The following UBR4 variants were observed in gnomAD, a reference collection of about 807,000 sequenced individuals.
The protein encoded by UBR4 is E3 ubiquitin-protein ligase UBR4.
A neutral mutation model predicts 575.6 loss-of-function variants in UBR4; 124 were observed. That is an observed-to-expected ratio of 0.22 (90% confidence interval 0.19 to 0.25). The LOEUF (loss-of-function observed/expected upper bound fraction) is 0.25, where lower values mean the gene tolerates loss of function less well. Ranked by LOEUF, UBR4 falls within the 10% of genes least tolerant of loss-of-function variation. The pLI, the probability that UBR4 is intolerant of heterozygous loss-of-function variation, is 1.00. For synonymous variants in UBR4, 2,455 were observed against 2,473.7 expected, an observed-to-expected ratio of 0.99 and a Z score of 0.22; for missense variants, 4,818 against 6,478.8, an observed-to-expected ratio of 0.74 and a Z score of 8.80.
At position 19,107,795 on chromosome 1, in the gene UBR4, T is replaced by A. The variant is rs561356658; in HGVS notation, c.12106-829A>T. ...ATGGGACCCTGTCTCAAAAAAAAAA[T>A]AAAAAATAAAACACTGAGAAATTCT... is the stretch of plus-strand genomic sequence containing the variant. On this transcript the variant is annotated intron_variant, in intron 81 of 105. Transcript: ENST00000375254. 1.1e-4 allele frequency among the ~76,000 whole-genome samples: 16 copies of A among 151,766 alleles called. No individual in the cohort carries two copies. In the East Asian group the frequency reaches 1.4e-3, roughly 13 times the overall value.
chr1:19,152,491 A>G lies in UBR4; in HGVS notation c.6833-15T>C. 6.2e-7 allele frequency: 1 copy of G among 1,613,368 alleles called. No homozygotes were observed. Among genetic ancestry groups the G allele is most frequent in the Non-Finnish European group, 8.5e-7 (1 of 1,179,766 alleles). Reference sequence around the variant, plus strand: ...CGTGCGGGTTGCTGCAGAGAACGGTACCAGATCGTCAAGAGTCTCTCCCAC... The same window carrying G: ...CGTGCGGGTTGCTGCAGAGAACGGTGCCAGATCGTCAAGAGTCTCTCCCAC... On this transcript the variant is annotated splice_polypyrimidine_tract_variant and intron_variant, in intron 46 of 105. Coordinates refer to ENST00000375254, the MANE Select transcript of UBR4 (RefSeq NM_020765.3). This position sits in a 1 kb window ranked among gnomAD's most constrained non-coding sequence, Gnocchi z 4.4.
rs369019477 is a variant in UBR4 at position 19,095,688 on chromosome 1, C to T, written c.13519-36G>A. On this transcript the variant is annotated intron_variant, in intron 92 of 105. Transcript: ENST00000375254. The stretch of plus-strand genomic sequence containing the variant: ...AAGCCAGTCAAAACCCATGAGGCCA[C>T]ATGAGAGTGTAGGACATGGGGGCCA... 80 of 1,599,190 alleles carry T rather than the reference C, an allele frequency of 5.0e-5. No individual in the cohort carries two copies. The African/African-American group carries it at 9.6e-4, about 19-fold the overall frequency.
chr1:19,204,663 A>G (rs1283262966), intron 1 of UBR4, among the ~76,000 whole-genome samples: 6 of 152,194 alleles, frequency 3.9e-5, no homozygotes, highest in Non-Finnish European at 1.5e-5. Flanking sequence ...AAACAGGAAG[A>G]ATGCATTTTG....
At chr1:19,207,995 C>A (rs181015262) in intron 1 of UBR4, among the ~76,000 whole-genome samples, 3 of 152,300 alleles carry the variant, frequency 2.0e-5, no homozygotes, top group Admixed American at 6.5e-5. Flanking sequence ...CGTTTGCCAA[C>A]GCCTGCTTTA....
intron 25 of UBR4, 78 bp downstream of exon 25, chr1:19,172,786 T>C (rs559247356): frequency 3.7e-5 from 53 of 1,436,896 alleles, no homozygotes; most frequent in Middle Eastern, 2.1e-4. Flanking sequence ...AAGAGAAAAA[T>C]GTCAAATTCT....
chr1:19,074,667 A>C lies in UBR4; in HGVS notation c.*165T>G, dbSNP rs1167913680. The stretch of plus-strand genomic sequence containing the variant: ...GCTGGTGCACCACACACACGAGATA[A>C]AACAGGAAGCCTAAAAACCCCAAGC... On this transcript the variant is annotated 3_prime_UTR_variant, in exon 106 of 106. Coordinates refer to ENST00000375254, the MANE Select transcript of UBR4 (RefSeq NM_020765.3). 1.3e-6 allele frequency: 1 copy of C among 755,186 alleles called. No homozygotes were observed. The highest frequency in any genetic ancestry group is 1.7e-5 in the African/African-American group (1 of 57,372). 46.8% of individuals were successfully genotyped at this position (755,186 alleles called of 1,614,324 possible).
intron 99 of UBR4, among the ~76,000 whole-genome samples, chr1:19,087,579 G>A (rs544662936): frequency 6.6e-6 from 1 of 152,318 alleles, no homozygotes; most frequent in Non-Finnish European, 1.5e-5. Flanking sequence ...CTCACATATA[G>A]GAAGAATCCA....
At chr1:19,171,742 G>A (rs528905728) in intron 25 of UBR4, among the ~76,000 whole-genome samples, 13 of 152,220 alleles carry the variant, frequency 8.5e-5, no homozygotes, top group East Asian at 1.9e-4. Context: ...CCTGCCACTC[G>A]GGAAACTGAG....
At position 19,197,710 on chromosome 1, in the gene UBR4, T is replaced by C; in HGVS notation, c.853A>G (p.Met285Val). 1.2e-6 allele frequency: 2 copies of C among 1,614,184 alleles called. No individual in the cohort carries two copies. Among genetic ancestry groups the C allele is most frequent in the South Asian group, 1.1e-5 (1 of 91,084 alleles). Residue 285 changes from methionine (M) to valine (V), a missense_variant, in exon 7 of 106, where the codon ATG becomes GTG. This residue lies in a region of UBR4 where 131 missense variants were observed against 214.5 expected (regional missense o/e 0.61). Coordinates refer to ENST00000375254, the MANE Select transcript of UBR4 (RefSeq NM_020765.3). Reference protein sequence around the residue: ...DAVLANSFFIMPATVADATAV... With the variant: ...DAVLANSFFIVPATVADATAV... ...GTGGCATCTGCTACTGTTGCAGGCA[T>C]TATGAAGAAGGAATTAGCTAAAACT...
At chr1:19,092,791 C>A (rs376899931) in intron 97 of UBR4, 28 bp downstream of exon 97, 263 of 1,582,018 alleles carry the variant, frequency 1.7e-4, no homozygotes, top group Non-Finnish European at 2.1e-4. Flanking sequence ...ACCCCTGTAC[C>A]CTCACACTAC....
intron 1 of UBR4, among the ~76,000 whole-genome samples, chr1:19,203,682 C>A (rs899749105): frequency 1.3e-5 from 2 of 152,062 alleles, no homozygotes; most frequent in African/African-American, 4.8e-5. Flanking sequence ...TCTGGCATTG[C>A]GAGCACTTTG....
intron 55 of UBR4, among the ~76,000 whole-genome samples, chr1:19,143,270 GAAAGAAA>G (rs1557763061): frequency 3.1e-5 from 2 of 65,190 alleles, no homozygotes; most frequent in Non-Finnish European, 6.8e-5. Flanking sequence ...AAGAAAGAAA[GAAAGAAA>G]GAAAGAAAGA....
chr1:19,199,606 A>C, intron 3 of UBR4, 45 bp downstream of exon 3: 1 of 1,578,760 alleles, frequency 6.3e-7, no homozygotes, highest in African/African-American at 1.4e-5. Context: ...AGTCAGTCAC[A>C]ACACTGCTTC....
Position 19,100,333 on chromosome 1 carries a change from C to T in UBR4, c.13221+43G>A, listed in dbSNP as rs1209234942. 3.1e-6 allele frequency: 5 copies of T among 1,607,876 alleles called. No homozygotes were observed. Among genetic ancestry groups the T allele is most frequent in the South Asian group, 1.1e-5 (1 of 90,790 alleles). ...TGGATTTGGTTAGCCTAGGAGGAAG[C>T]CCCTAATCGTAAACGTGGGCAGCAC... is the stretch of plus-strand genomic sequence containing the variant. On this transcript the variant is annotated intron_variant, in intron 89 of 105. Coordinates refer to ENST00000375254, the MANE Select transcript of UBR4 (RefSeq NM_020765.3). The surrounding 1 kb of genome is among the most constrained non-coding windows in gnomAD (Gnocchi z 4.2).
chr1:19,198,508 C>A (rs758452564), intron 5 of UBR4, 33 bp downstream of exon 5: 8 of 1,597,356 alleles, frequency 5.0e-6, no homozygotes, highest in Non-Finnish European at 6.8e-6. Flanking sequence ...ACAAAACCCA[C>A]AGAGAAGAAG....
intron 51 of UBR4, 56 bp from the exon 52 acceptor site, chr1:19,147,056 G>A: frequency 1.3e-6 from 2 of 1,499,810 alleles, no homozygotes; most frequent in Non-Finnish European, 1.8e-6. Flanking sequence ...GGGTACAAAA[G>A]CAAAGAGGAG....
intron 28 of UBR4, 85 bp downstream of exon 28, chr1:19,167,942 C>A: frequency 7.3e-7 from 1 of 1,372,066 alleles, no homozygotes; most frequent in South Asian, 1.8e-5. Flanking sequence ...AGCATTACTA[C>A]ATAGTTATAA....
chr1:19,207,641 A>G (rs1487662338), intron 1 of UBR4, among the ~76,000 whole-genome samples: 1 of 152,216 alleles, frequency 6.6e-6, no homozygotes, highest in Non-Finnish European at 1.5e-5. Context: ...AAAAATAAAT[A>G]AATAAATAAA....
intron 77 of UBR4, 165 bp downstream of exon 77, chr1:19,113,534 G>A (rs1388951886): frequency 1.0e-6 from 1 of 981,682 alleles, no homozygotes; most frequent in Non-Finnish European, 1.5e-6. Flanking sequence ...ATCACGGTGG[G>A]GGAGATGCCG....
Sources: gnomAD v4.1 joint callset for allele counts (sites outside exome capture counted in the v4.1 genomes callset) on GRCh38, gnomAD v4.1.1 for gene constraint, gnomAD v4.1.1 regional missense constraint, Gnocchi (gnomAD v3.1) non-coding constraint, MANE v1.5 for transcripts, NCBI Gene and HGNC (gene_info 2026-07-23, HGNC 2026-07-21) for gene names.